The following HLA-DQB1 variants were observed in gnomAD, a reference collection of about 807,000 sequenced individuals.
HLA-DQB1 encodes the protein HLA class II histocompatibility antigen, DQ beta 1 chain.
Under a neutral mutation model 26.4 loss-of-function variants are expected in HLA-DQB1, and 13 were observed. The observed-to-expected ratio is 0.49, with a 90% CI of 0.32 to 0.78. The LOEUF is 0.78. HLA-DQB1 is among the 30% of genes least tolerant of loss of function. The pLI, the probability that HLA-DQB1 is intolerant of heterozygous loss-of-function variation, is 0.03. For synonymous variants in HLA-DQB1, 60 were observed against 129.1 expected (o/e 0.46, Z 3.63); for missense variants, 158 against 326.2 (o/e 0.48, Z 3.97).
exon 2 of HLA-DQB1, chr6:32,664,958 G>C: frequency 7.3e-7 from 1 of 1,366,322 alleles, no homozygotes; most frequent in African/African-American, 1.5e-5. Flanking sequence ...CCACGTCGCT[G>C]TCGAAGCGCG....
intron 4 of HLA-DQB1, chr6:32,660,983 C>A (rs9273535): frequency 0.12 from 75,411 of 655,666 alleles, 6,488 homozygotes; most frequent in Admixed American, 0.25. Context: ...ACATTCTCTT[C>A]CCACCCATGT....
chr6:32,664,703 C>T, intron 2 of HLA-DQB1, 95 bp downstream of exon 2: 1 of 410,596 alleles, frequency 2.4e-6, no homozygotes, highest in Non-Finnish European at 3.6e-6. Context: ...GAACTGGGCT[C>T]AGATTTCAGA....
At chr6:32,666,429 C>G (rs1784164738) in intron 1 of HLA-DQB1, 70 bp downstream of exon 1, 1 of 576,272 alleles carries the variant, frequency 1.7e-6, no homozygotes, top group African/African-American at 1.9e-5. Context: ...ATCACCATCC[C>G]CCATACCCCA....
chr6:32,660,771 ATG>A (rs2151003958), intron 4 of HLA-DQB1: 19 of 497,078 alleles, frequency 3.8e-5, no homozygotes, highest in Non-Finnish European at 4.9e-5. Context: ...GGCCATGAAC[ATG>A]GACCACTGTG....
At chr6:32,661,594 A>G (rs867983601) in intron 3 of HLA-DQB1, 137 bp from the exon 4 acceptor site, 139,043 of 499,872 alleles carry the variant, frequency 0.28, 36,622 homozygotes, top group South Asian at 0.39. Flanking sequence ...ACCCCTAAGG[A>G]GGGGAAAGAC....
At chr6:32,665,758 T>G (rs281861443) in intron 1 of HLA-DQB1, among the ~76,000 whole-genome samples, 1 of 129,102 alleles carries the variant, frequency 7.7e-6, no homozygotes, top group Non-Finnish European at 1.7e-5. Context: ...AGTATAATTG[T>G]GTAAAAGAAA....
intron 2 of HLA-DQB1, chr6:32,664,169 T>A (rs66727344): frequency 0.39 from 36,652 of 94,710 alleles, 14,660 homozygotes; most frequent in Middle Eastern, 0.5. Context: ...TACCAGTCAA[T>A]GTGTCAGGTA....
chr6:32,660,759 T>C (rs78621519), intron 4 of HLA-DQB1: 17,655 of 643,350 alleles, frequency 0.027, 2,809 homozygotes, highest in East Asian at 0.19. Context: ...TAGCAGCAAA[T>C]AGGCCATGAA....
exon 5 of HLA-DQB1, chr6:32,660,080 G>T: frequency 2.4e-6 from 1 of 417,210 alleles, no homozygotes; most frequent in East Asian, 4.6e-5. Flanking sequence ...CCTTGGGGTG[G>T]GGATGAAAGG....
chr6:32,660,275 C>G (rs1451041604), intron 4 of HLA-DQB1, 26 bp from the exon 5 acceptor site: 1 of 1,030,538 alleles, frequency 9.7e-7, no homozygotes, highest in Non-Finnish European at 1.4e-6. Flanking sequence ...GAGCATTGAT[C>G]AGCACAGGGT....
chr6:32,664,538 G>C (rs41263816), intron 2 of HLA-DQB1: 73 of 212,300 alleles, frequency 3.4e-4, no homozygotes, highest in Admixed American at 7.2e-4. Context: ...GAAACGTGCA[G>C]AGCGGAGGAC....
chr6:32,662,148 T>G (rs9273997), exon 3 of HLA-DQB1: 2 of 1,448,334 alleles, frequency 1.4e-6, no homozygotes, highest in African/African-American at 1.5e-5. Flanking sequence ...ACCACCGGAC[T>G]TTGATCTGGC....
exon 3 of HLA-DQB1, chr6:32,662,129 C>T: frequency 6.8e-7 from 1 of 1,460,132 alleles, no homozygotes; most frequent in East Asian, 2.6e-5. Context: ...TCCTCCTGAT[C>T]ATTCCGAAAC....
At position 32,665,136 on chromosome 6, in the gene HLA-DQB1, G is replaced by T. The variant is rs281861993; in HGVS notation, c.110-69C>A. ...GCCCCCGCAGCCGCCGCCCTGACCC[G>T]GCCTGGAGCTGTGGAACCGCCCGCG... On this transcript the variant is annotated intron_variant, in intron 1 of 4. Transcript: ENST00000434651. 26 of 945,166 alleles carry T rather than the reference G, an allele frequency of 2.8e-5. 5 individuals are homozygous for T. The highest frequency in any genetic ancestry group is 2.0e-5 in the Non-Finnish European group (14 of 688,634). 58.5% of individuals were successfully genotyped at this position (945,166 alleles called of 1,614,324 possible). A position where few individuals can be genotyped will look rare whatever the true frequency, so the allele number is the denominator to read the frequency against.
exon 3 of HLA-DQB1, chr6:32,661,992 G>T (rs9273927): frequency 6.4e-7 from 1 of 1,551,946 alleles, no homozygotes; most frequent in Non-Finnish European, 8.8e-7. Flanking sequence ...TGGGGCTCTG[G>T]AGGCTGGGGT....
rs150769232 is a variant in HLA-DQB1, at chr6:32,664,786, G to A, written c.379+12C>T. On this transcript the variant is annotated intron_variant, in intron 2 of 4. Transcript: ENST00000434651. ...CCAAGGGTGGGCCTCACGGAGGGGC[G>A]ACGACGCTCACCTCTCCTCTGCAAG... The A allele has an allele frequency of 0.042, 41,157 of 990,194 alleles. 15,276 individuals carry two copies. Among genetic ancestry groups the A allele is most frequent in the East Asian group, 0.3 (9,264 of 31,100 alleles). 61.3% of individuals were successfully genotyped at this position (990,194 alleles called of 1,614,324 possible). A position where few individuals can be genotyped will look rare whatever the true frequency, so the allele number is the denominator to read the frequency against.
chr6:32,662,692 CT>C (rs367775528), intron 2 of HLA-DQB1: 6,017 of 60,232 alleles, frequency 0.1, 685 homozygotes, highest in East Asian at 0.38. Flanking sequence ...TTCCCCGCCT[CT>C]TTTACACATC....
chr6:32,661,306 G>T lies in HLA-DQB1; in HGVS notation c.772+41C>A, dbSNP rs9273592. 1.4e-3 allele frequency: 1,761 copies of T among 1,216,960 alleles called. 27 individuals carry two copies. The highest frequency in any genetic ancestry group is 0.012 in the Middle Eastern group (41 of 3,378). 75.4% of individuals were successfully genotyped at this position (1,216,960 alleles called of 1,614,324 possible). A position where few individuals can be genotyped will look rare whatever the true frequency, so the allele number is the denominator to read the frequency against. On this transcript the variant is annotated intron_variant, in intron 4 of 4. Transcript: ENST00000434651. The stretch of plus-strand genomic sequence containing the variant: ...AGGACCACTCTGAACAGAGGGTCTG[G>T]GTCACAGCCCATCTTCCCCTTTTCC...
Position 32,660,297 on chromosome 6 carries a change from C to T in HLA-DQB1, c.773-48G>A, listed in dbSNP as rs769610815. The T allele has an allele frequency of 9.4e-6, 9 of 953,622 alleles. 4 individuals carry two copies. Among genetic ancestry groups the T allele is most frequent in the Admixed American group, 6.1e-5 (2 of 32,582 alleles). 59.1% of individuals were successfully genotyped at this position (953,622 alleles called of 1,614,324 possible). On this transcript the variant is annotated intron_variant, in intron 4 of 4. Transcript: ENST00000434651. ...GATCAGCACAGGGTATCCTGGTGGG[C>T]CTGCCATCTCCCCCACCCTTCAGGG...
Sources: allele counts gnomAD v4.1 joint callset (sites outside exome capture counted in the v4.1 genomes callset), GRCh38; gene constraint gnomAD v4.1.1; transcripts MANE v1.5; gene names NCBI Gene and HGNC (gene_info 2026-07-23, HGNC 2026-07-21).